Variants in ABHD2 observed in about 807,000 individuals in gnomAD.
ABHD2 encodes monoacylglycerol lipase ABHD2.
Under a neutral mutation model 48.1 loss-of-function variants are expected in ABHD2, and 20 were observed. The ratio of observed to expected loss-of-function variants is 0.42; its 90% CI spans 0.29 to 0.60. The LOEUF is 0.60. ABHD2 is among the 20% of genes least tolerant of loss of function. The pLI, the probability that ABHD2 is intolerant of heterozygous loss-of-function variation, is 0.24. For missense variants in ABHD2, 405 were observed against 550.9 expected, an observed-to-expected ratio of 0.74 and a Z score of 2.65; for synonymous variants, 209 against 214.2, an observed-to-expected ratio of 0.98 and a Z score of 0.21.
At chr15:89,131,638 G>A (rs2050221449) in intron 3 of ABHD2, among the ~76,000 whole-genome samples, 1 of 152,042 alleles carries the variant, frequency 6.6e-6, no homozygotes, top group South Asian at 2.1e-4. Flanking sequence ...AAGCTGATGA[G>A]GAAATGATAA....
At chr15:89,132,805 G>C (rs562242342) in intron 3 of ABHD2, among the ~76,000 whole-genome samples, 31 of 152,310 alleles carry the variant, frequency 2.0e-4, no homozygotes, top group Non-Finnish European at 4.0e-4. Context: ...TGCATGGTTT[G>C]GTGGCGCTCT....
At chr15:89,133,300 T>C (rs935171919) in intron 3 of ABHD2, among the ~76,000 whole-genome samples, 21 of 152,224 alleles carry the variant, frequency 1.4e-4, no homozygotes, top group African/African-American at 5.1e-4. Context: ...GTCTCCTAGA[T>C]AGAGGTTTCC....
At chr15:89,059,732 G>C in the ABHD2 span, among the ~76,000 whole-genome samples, 3 of 152,284 alleles carry the variant, frequency 2.0e-5, no homozygotes, top group Non-Finnish European at 4.4e-5. Flanking sequence ...AGGGCAGGCT[G>C]CCATCGCAGA....
Position 89,176,113 on chromosome 15 carries a change from G to A in ABHD2, c.722+118G>A. 5.3e-6 allele frequency: 6 copies of A among 1,128,458 alleles called. No individual in the cohort carries two copies. The highest frequency in any genetic ancestry group is 7.4e-6 in the Non-Finnish European group (6 of 805,498). 69.9% of individuals were successfully genotyped at this position (1,128,458 alleles called of 1,614,324 possible). On this transcript the variant is annotated intron_variant, in intron 6 of 10. Coordinates refer to ENST00000352732, the MANE Select transcript of ABHD2 (RefSeq NM_152924.5). This position sits in a 1 kb window ranked among gnomAD's most constrained non-coding sequence, Gnocchi z 4.5. ...GAACACTGTGGCCGACTGAGTAGAA[G>A]TTTCTGAGTCTTGGACTCACCTTGT...
upstream of ABHD2, among the ~76,000 whole-genome samples, chr15:89,084,992 G>T (rs1009853214): frequency 1.3e-5 from 2 of 152,014 alleles, no homozygotes; most frequent in South Asian, 4.2e-4. The surrounding 1 kb of genome is among the most constrained non-coding windows in gnomAD (Gnocchi z 4.4). Flanking sequence ...CATCCCCCGA[G>T]GACACAGAAT....
chr15:89,117,919 T>C (rs1476703547), intron 3 of ABHD2, among the ~76,000 whole-genome samples: 1 of 152,238 alleles, frequency 6.6e-6, no homozygotes, highest in African/African-American at 2.4e-5. Context: ...CTCATAGTTG[T>C]GACAGTGATG....
rs1424946112 is a variant in ABHD2 at position 89,182,237 on chromosome 15, T to C, written c.723-3187T>C. ...TTTTGCAACTTTCAGAAAGCATCTT[T>C]CCTTTTGGAGTCATCCTGGTTCTTT... On this transcript the variant is annotated intron_variant, in intron 6 of 10. Coordinates refer to ENST00000352732, the MANE Select transcript of ABHD2 (RefSeq NM_152924.5). This position sits in a 1 kb window ranked among gnomAD's most constrained non-coding sequence, Gnocchi z 4.8. Among the ~76,000 whole-genome samples, 1 of 152,212 alleles carries C rather than the reference T, an allele frequency of 6.6e-6. No homozygotes were observed. The highest frequency in any genetic ancestry group is 1.9e-4 in the East Asian group (1 of 5,194).
intron 3 of ABHD2, among the ~76,000 whole-genome samples, chr15:89,123,259 A>G (rs192426412): frequency 1.3e-5 from 2 of 152,334 alleles, no homozygotes; most frequent in East Asian, 3.9e-4. Flanking sequence ...TGGCCCTTCC[A>G]TAGACCATAA....
rs979383401 is a variant in ABHD2 at position 89,184,180 on chromosome 15, C to A, written c.723-1244C>A. On this transcript the variant is annotated intron_variant, in intron 6 of 10. Coordinates refer to ENST00000352732, the MANE Select transcript of ABHD2 (RefSeq NM_152924.5). This position sits in a 1 kb window ranked among gnomAD's most constrained non-coding sequence, Gnocchi z 5.1. ...ACAAACCATTTCATTCTTAACTCCCCACTACCTCTTATTTTTTAACCACGA... is the reference window on the plus strand; with the variant it reads ...ACAAACCATTTCATTCTTAACTCCCAACTACCTCTTATTTTTTAACCACGA... Among the ~76,000 whole-genome samples, 1 of 152,184 alleles carries A rather than the reference C, an allele frequency of 6.6e-6. No homozygotes were observed. The highest frequency in any genetic ancestry group is 2.4e-5 in the African/African-American group (1 of 41,440).
At position 89,195,238 on chromosome 15, in the gene ABHD2, A is replaced by G. The variant is rs775557475; in HGVS notation, c.1093A>G (p.Asn365Asp). ...IPKSLSEKRE[N>D]VMFVLPLHGG... ...CGTTTCCCCTGCAGAGAAACGAGAG[A>G]ACGTCATGTTTGTGCTGCCTCTGCA... is the stretch of plus-strand genomic sequence containing the variant. Residue 365 changes from asparagine (N) to aspartate (D), a missense_variant, in exon 11 of 11, where the codon AAC becomes GAC. Transcript: ENST00000352732. The surrounding 1 kb of genome is among the most constrained non-coding windows in gnomAD (Gnocchi z 5.1). The G allele has an allele frequency of 6.2e-7, 1 of 1,613,618 alleles. No individual in the cohort carries two copies. Among genetic ancestry groups the G allele is most frequent in the Admixed American group, 1.7e-5 (1 of 59,948 alleles).
chr15:89,090,438 A>T (rs1207813515), intron 1 of ABHD2: 1 of 152,112 alleles, frequency 6.6e-6, no homozygotes, highest in East Asian at 1.9e-4. Context: ...CTTCATATCC[A>T]CCACCCAATA....
At chr15:89,119,463 G>A (rs570181488) in intron 3 of ABHD2, among the ~76,000 whole-genome samples, 4 of 152,190 alleles carry the variant, frequency 2.6e-5, no homozygotes, top group Admixed American at 1.3e-4. Flanking sequence ...TCTTTTGTCC[G>A]CGTTACTACT....
chr15:89,165,799 T>C (rs2050830039), intron 5 of ABHD2, among the ~76,000 whole-genome samples: 1 of 152,248 alleles, frequency 6.6e-6, no homozygotes, highest in African/African-American at 2.4e-5. Flanking sequence ...ATTGACTTAA[T>C]TGACCTTCTA....
At chr15:89,050,820 C>A in the ABHD2 span, among the ~76,000 whole-genome samples, 1 of 152,268 alleles carries the variant, frequency 6.6e-6, no homozygotes, top group Admixed American at 6.5e-5. Context: ...GCACAAGTGG[C>A]CAGGAGACTG....
At position 89,175,759 on chromosome 15, in the gene ABHD2, T is replaced by A; in HGVS notation, c.539-53T>A. ...TAGTAACGTTCCAGCTTGCATTTTC[T>A]CCAGATAGGATGCACCTGAAATGAT... On this transcript the variant is annotated intron_variant, in intron 5 of 10. Coordinates refer to ENST00000352732, the MANE Select transcript of ABHD2 (RefSeq NM_152924.5). This position sits in a 1 kb window ranked among gnomAD's most constrained non-coding sequence, Gnocchi z 5.7. 1.9e-6 allele frequency: 3 copies of A among 1,603,414 alleles called. No individual in the cohort carries two copies. The highest frequency in any genetic ancestry group is 2.6e-6 in the Non-Finnish European group (3 of 1,172,960).
intron 3 of ABHD2, among the ~76,000 whole-genome samples, chr15:89,117,580 C>T (rs1040015941): frequency 6.6e-6 from 1 of 152,224 alleles, no homozygotes; most frequent in Non-Finnish European, 1.5e-5. Flanking sequence ...CTTTTTCAAG[C>T]TTACTCCATT....
the ABHD2 span, among the ~76,000 whole-genome samples, chr15:89,070,586 A>G: frequency 1.4e-4 from 21 of 152,090 alleles, no homozygotes; most frequent in African/African-American, 5.1e-4. Flanking sequence ...GGGTAATCTC[A>G]ATAAACACTC....
In ABHD2 at chr15:89,176,868, A is replaced by G. The variant is rs543814018; in HGVS notation, c.722+873A>G. ...CTATTGATCCAGTCTAATGCCAAAC[A>G]GTCCTTATCGTTATTCAAAGAATCT... is the stretch of plus-strand genomic sequence containing the variant. On this transcript the variant is annotated intron_variant, in intron 6 of 10. Coordinates refer to ENST00000352732, the MANE Select transcript of ABHD2 (RefSeq NM_152924.5). This position sits in a 1 kb window ranked among gnomAD's most constrained non-coding sequence, Gnocchi z 4.5. 6.6e-6 allele frequency among the ~76,000 whole-genome samples: 1 copy of G among 152,362 alleles called. No homozygotes were observed. The highest frequency in any genetic ancestry group is 6.5e-5 in the Admixed American group (1 of 15,308).
the ABHD2 span, among the ~76,000 whole-genome samples, chr15:89,049,895 C>G: frequency 2.0e-5 from 3 of 152,180 alleles, no homozygotes. Flanking sequence ...TGTTCCTATT[C>G]GGCCATCTTG....
Sources: allele counts gnomAD v4.1 joint callset (sites outside exome capture counted in the v4.1 genomes callset), GRCh38; gene constraint gnomAD v4.1.1; non-coding constraint Gnocchi (gnomAD v3.1); transcripts MANE v1.5; gene names NCBI Gene and HGNC (gene_info 2026-07-23, HGNC 2026-07-21).